EXOC6B: variants seen among roughly 807,000 people sequenced by gnomAD.
EXOC6B encodes SEC15 homolog B.
EXOC6B carries 54 observed loss-of-function variants against 113.5 expected under a neutral mutation model. That is an observed-to-expected ratio of 0.48 (90% CI 0.38 to 0.60). The LOEUF is 0.60. Ranked by LOEUF, EXOC6B falls within the 20% of genes least tolerant of loss-of-function variation. The probability of loss-of-function intolerance (pLI) is 0.00; values close to 1 mark genes in which losing one functional copy is unlikely to be tolerated. For missense variants in EXOC6B, 797 were observed against 977.5 expected (o/e 0.82, Z 2.46); for synonymous variants, 357 against 339.0 (o/e 1.05, Z -0.58).
chr2:72,719,932 A>T (rs1048567175), intron 5 of EXOC6B, among the ~76,000 whole-genome samples: 1 of 152,214 alleles, frequency 6.6e-6, no homozygotes, highest in African/African-American at 2.4e-5. Context: ...GATTTTTTAA[A>T]GCAATGATTA....
intron 20 of EXOC6B, among the ~76,000 whole-genome samples, chr2:72,253,862 GA>G (rs1171279755): frequency 3.3e-5 from 5 of 151,938 alleles, no homozygotes; most frequent in Non-Finnish European, 7.4e-5. Flanking sequence ...AAAGTTAAAA[GA>G]AAAAAAGATA....
Position 72,646,736 on chromosome 2 carries a change from G to A in EXOC6B, c.670-71068C>T, listed in dbSNP as rs184453102. ...CTCAATAGATGCAGAAAAGGCCTTC[G>A]ACAAAATTCAACAGCCCTTTATGAT... On this transcript the variant is annotated intron_variant, in intron 6 of 21. Coordinates refer to ENST00000272427, the MANE Select transcript of EXOC6B (RefSeq NM_015189.3). Among the ~76,000 whole-genome samples the A allele has an allele frequency of 2.1e-4, 32 of 151,324 alleles. 1 individual carries two copies. Among genetic ancestry groups the A allele is most frequent in the Admixed American group, 1.4e-3 (22 of 15,180 alleles).
chr2:72,375,547 A>C (rs1189215084), intron 19 of EXOC6B, among the ~76,000 whole-genome samples: 1 of 152,230 alleles, frequency 6.6e-6, no homozygotes, highest in Non-Finnish European at 1.5e-5. Flanking sequence ...GGAAGTAAAC[A>C]ACACATTTCC....
In EXOC6B at chr2:72,660,204, A is replaced by G. The variant is rs550970104; in HGVS notation, c.669+57899T>C. Among the ~76,000 whole-genome samples, 3 of 152,294 alleles carry G rather than the reference A, an allele frequency of 2.0e-5. No homozygotes were observed. The East Asian group carries it at 5.8e-4, about 29-fold the overall frequency. On this transcript the variant is annotated intron_variant, in intron 6 of 21. Transcript: ENST00000272427. ...TTACCTCATCAAAAAGCTGGAAAAA[A>G]AAAAATAAAGCCATTGGTAATTTAA...
chr2:72,750,519 T>C (rs1304409950), intron 1 of EXOC6B, among the ~76,000 whole-genome samples: 1 of 152,002 alleles, frequency 6.6e-6, no homozygotes, highest in Non-Finnish European at 1.5e-5. Context: ...GGCCTTCAAA[T>C]GAATGAAGCG....
intron 6 of EXOC6B, among the ~76,000 whole-genome samples, chr2:72,665,754 C>A (rs531077757): frequency 6.6e-6 from 1 of 152,158 alleles, no homozygotes; most frequent in Non-Finnish European, 1.5e-5. Context: ...CACCTAAATA[C>A]GTAGCCCACA....
chr2:72,367,704 C>T (rs192859944), intron 19 of EXOC6B, among the ~76,000 whole-genome samples: 8 of 152,242 alleles, frequency 5.3e-5, no homozygotes, highest in Admixed American at 1.3e-4. Context: ...AGTGGTTGAA[C>T]GGCCTGGAGA....
intron 19 of EXOC6B, 69 bp downstream of exon 19, chr2:72,379,660 C>CGTTTTTTTT: frequency 6.6e-7 from 1 of 1,514,612 alleles, no homozygotes; most frequent in African/African-American, 1.4e-5. Flanking sequence ...ACACCTAAAA[C>CGTTTTTTTT]TTTTTTTCCC....
At chr2:72,585,604 G>T (rs1286097124) in intron 6 of EXOC6B, among the ~76,000 whole-genome samples, 3 of 150,342 alleles carry the variant, frequency 2.0e-5, no homozygotes, top group Admixed American at 2.0e-4. Flanking sequence ...AAAAAGAAAT[G>T]ACAAAGGTGA....
chr2:72,245,199 T>A (rs1329728239), intron 20 of EXOC6B, among the ~76,000 whole-genome samples: 1 of 152,186 alleles, frequency 6.6e-6, no homozygotes, highest in African/African-American at 2.4e-5. Flanking sequence ...AGGAGAAGAA[T>A]GTCAGAAGAT....
intron 20 of EXOC6B, among the ~76,000 whole-genome samples, chr2:72,310,978 A>G (rs563842427): frequency 1.3e-5 from 2 of 152,178 alleles, no homozygotes; most frequent in Non-Finnish European, 2.9e-5. Context: ...CAGCTAAGAT[A>G]TAACAGAAGC....
Position 72,384,702 on chromosome 2 carries a change from G to T in EXOC6B, c.1981-4832C>A, listed in dbSNP as rs1035428535. 6.6e-5 allele frequency among the ~76,000 whole-genome samples: 10 copies of T among 151,988 alleles called. 1 individual carries two copies. Among genetic ancestry groups the T allele is most frequent in the Admixed American group, 6.6e-5 (1 of 15,266 alleles). ...TACAAAATAAACATGCAAATATCAG[G>T]TGTGTTTCTATATGCTAACAACAAA... On this transcript the variant is annotated intron_variant, in intron 18 of 21. Transcript: ENST00000272427.
intron 5 of EXOC6B, among the ~76,000 whole-genome samples, chr2:72,727,325 T>C (rs888932941): frequency 1.3e-5 from 2 of 152,102 alleles, no homozygotes; most frequent in African/African-American, 2.4e-5. Context: ...AAAACAGAGA[T>C]GGCCAGATGA....
rs1052789165 is a variant in EXOC6B at position 72,683,299 on chromosome 2, CT to C, written c.669+34803del. Among the ~76,000 whole-genome samples the C allele has an allele frequency of 1.5e-4, 23 of 150,964 alleles. 2 individuals are homozygous for C. The highest frequency in any genetic ancestry group is 4.6e-4 in the African/African-American group (19 of 41,150). On this transcript the variant is annotated intron_variant, in intron 6 of 21. Transcript: ENST00000272427. The stretch of plus-strand genomic sequence containing the variant: ...CACATAGCAGATGCTCAAAAAGTGA[CT>C]TTTAAAAAAAAAAGAGAAAGAATCC...
intron 18 of EXOC6B, among the ~76,000 whole-genome samples, chr2:72,404,996 G>A (rs1015079538): frequency 2.0e-5 from 3 of 152,136 alleles, no homozygotes; most frequent in East Asian, 3.8e-4. Context: ...AATAACCAAT[G>A]CAGAGAAGTC....
At chr2:72,705,096 T>C (rs1407100418) in intron 6 of EXOC6B, among the ~76,000 whole-genome samples, 6 of 150,956 alleles carry the variant, frequency 4.0e-5, no homozygotes, top group Non-Finnish European at 5.9e-5. Flanking sequence ...ACTGGCAAAC[T>C]GAATCCAGCA....
chr2:72,625,770 T>C (rs13033046), intron 6 of EXOC6B, among the ~76,000 whole-genome samples: 1,584 of 152,326 alleles, frequency 0.01, 8 homozygotes, highest in Non-Finnish European at 0.017. Context: ...ATTTTCCTTC[T>C]AGTGCTACAA....
chr2:72,687,841 TGAG>T (rs1461871843), intron 6 of EXOC6B, among the ~76,000 whole-genome samples: 1 of 152,142 alleles, frequency 6.6e-6, no homozygotes, highest in Admixed American at 6.5e-5. Context: ...CTATCACAAT[TGAG>T]GAGAAGGACA....
chr2:72,736,762 G>A (rs1369126145), intron 2 of EXOC6B, among the ~76,000 whole-genome samples: 1 of 152,142 alleles, frequency 6.6e-6, no homozygotes, highest in Admixed American at 6.5e-5. Context: ...GATAACCAGA[G>A]ACAAAACATT....
Sources: allele counts gnomAD v4.1 joint callset (sites outside exome capture counted in the v4.1 genomes callset), GRCh38; gene constraint gnomAD v4.1.1; transcripts MANE v1.5; gene names NCBI Gene and HGNC (gene_info 2026-07-23, HGNC 2026-07-21).